Variants in AFF2 observed in about 807,000 individuals in gnomAD.
AFF2 encodes AF4/FMR2 family member 2.
Under a neutral mutation model 76.9 loss-of-function variants are expected in AFF2, and 14 were observed. The observed-to-expected ratio is 0.18, with a 90% confidence interval of 0.12 to 0.28. The LOEUF (loss-of-function observed/expected upper bound fraction) is 0.28, where lower values mean the gene tolerates loss of function less well. Ranked by LOEUF, AFF2 falls within the 10% of genes least tolerant of loss-of-function variation. The probability of loss-of-function intolerance (pLI) is 1.00; values close to 1 mark genes in which losing one functional copy is unlikely to be tolerated. For synonymous variants in AFF2, 398 were observed against 366.7 expected, an observed-to-expected ratio of 1.09 and a Z score of -0.98; for missense variants, 868 against 1,001.1, an observed-to-expected ratio of 0.87 and a Z score of 1.79.
chrX:148,913,853 C>T (rs782757848), intron 9 of AFF2, among the ~76,000 whole-genome samples: 3 of 111,882 alleles, frequency 2.7e-5, no homozygotes, highest in Admixed American at 9.5e-5. Flanking sequence ...TCAATATTGC[C>T]GTGTAGTGAT....
chrX:148,761,949 A>G (rs1557267301), intron 3 of AFF2, among the ~76,000 whole-genome samples: 2 of 104,463 alleles, frequency 1.9e-5, no homozygotes. Context: ...GTGTGTGTGT[A>G]TGTGTGTATA....
At chrX:148,615,748 T>C (rs2053791830) in intron 1 of AFF2, among the ~76,000 whole-genome samples, 1 of 111,548 alleles carries the variant, frequency 9.0e-6, no homozygotes, top group Non-Finnish European at 1.9e-5. Context: ...TTCTGCATTC[T>C]ATGTATGGGT....
intron 3 of AFF2, among the ~76,000 whole-genome samples, chrX:148,779,148 C>T (rs370803887): frequency 6.0e-4 from 67 of 111,708 alleles, no homozygotes; most frequent in Admixed American, 1.7e-3. Flanking sequence ...TGTAGTTGTG[C>T]GGTTTTCAGT....
Position 148,787,312 on chromosome X carries a change from C to CTG in AFF2, c.1042-22546_1042-22545dup, listed in dbSNP as rs370207937. 4.0e-3 allele frequency among the ~76,000 whole-genome samples: 433 copies of CTG among 108,116 alleles called. 1 individual carries two copies. The highest frequency in any genetic ancestry group is 8.2e-3 in the African/African-American group (244 of 29,844). The allele number at this position is 108,116 out of a possible 115,157, so 93.9% of individuals were successfully genotyped here. ...TTGTGAGGAACAATCAACATTGCGG[C>CTG]TGTGTGTGTGTGTGTGTGTATGTGT... is the stretch of plus-strand genomic sequence containing the variant. On this transcript the variant is annotated intron_variant, in intron 3 of 20. Coordinates refer to ENST00000370460, the MANE Select transcript of AFF2 (RefSeq NM_002025.4).
chrX:148,693,091 G>A (rs374715231), intron 3 of AFF2, among the ~76,000 whole-genome samples: 1 of 110,865 alleles, frequency 9.0e-6, no homozygotes, highest in African/African-American at 3.3e-5. Flanking sequence ...CTAATTTTTT[G>A]TATTTTTAGT....
At chrX:148,912,361 C>T (rs1434244118) in intron 9 of AFF2, among the ~76,000 whole-genome samples, 2 of 111,504 alleles carry the variant, frequency 1.8e-5, no homozygotes, top group Non-Finnish European at 3.8e-5. Flanking sequence ...TCAACTCCCA[C>T]TTATGAGTGA....
chrX:148,781,491 C>A (rs367613231), intron 3 of AFF2, among the ~76,000 whole-genome samples: 1 of 112,283 alleles, frequency 8.9e-6, no homozygotes, highest in Non-Finnish European at 1.9e-5. Context: ...GGGCTCTGCC[C>A]AGTCCAAACT....
chrX:148,612,350 C>A (rs1362970929), intron 1 of AFF2, among the ~76,000 whole-genome samples: 3 of 112,023 alleles, frequency 2.7e-5, no homozygotes, highest in African/African-American at 6.5e-5. Context: ...ACTTGTAAGG[C>A]ATAATCTTTG....
At chrX:148,610,004 G>T (rs1293761554) in intron 1 of AFF2, among the ~76,000 whole-genome samples, 1 of 111,586 alleles carries the variant, frequency 9.0e-6, no homozygotes, top group African/African-American at 3.3e-5. Context: ...GCACTTCCTG[G>T]TCTCCACTAC....
chrX:148,625,310 T>C lies in AFF2; in HGVS notation c.48-26689T>C, dbSNP rs150345789. 7.0e-3 allele frequency among the ~76,000 whole-genome samples: 777 copies of C among 111,514 alleles called. 2 individuals carry two copies. The highest frequency in any genetic ancestry group is 0.028 in the Middle Eastern group (6 of 217). On this transcript the variant is annotated intron_variant, in intron 1 of 20. Coordinates refer to ENST00000370460, the MANE Select transcript of AFF2 (RefSeq NM_002025.4). Reference sequence around the variant, plus strand: ...TGTGTCCCCTGCTGGCTTAGCATGCTGGCCTGTCCTGAGACTAACGTGACT... The same window carrying C: ...TGTGTCCCCTGCTGGCTTAGCATGCCGGCCTGTCCTGAGACTAACGTGACT...
At chrX:148,780,564 C>A in intron 3 of AFF2, among the ~76,000 whole-genome samples, 1 of 111,939 alleles carries the variant, frequency 8.9e-6, no homozygotes, top group East Asian at 2.8e-4. Context: ...GTGAATGCTT[C>A]ACAAAGTTCT....
chrX:148,948,811 C>A (rs1557286344), intron 9 of AFF2, among the ~76,000 whole-genome samples: 1 of 110,770 alleles, frequency 9.0e-6, no homozygotes, highest in East Asian at 2.9e-4. Context: ...GGACTCCATA[C>A]TAAAGATCAT....
intron 3 of AFF2, among the ~76,000 whole-genome samples, chrX:148,767,930 A>C (rs933801051): frequency 9.0e-6 from 1 of 110,520 alleles, no homozygotes; most frequent in African/African-American, 3.3e-5. Context: ...GGAAGGCATA[A>C]TTGTAACATG....
At chrX:148,648,022 G>A (rs187594706) in intron 1 of AFF2, among the ~76,000 whole-genome samples, 7 of 111,906 alleles carry the variant, frequency 6.3e-5, no homozygotes, top group African/African-American at 9.7e-5. Context: ...CAAAATGAGA[G>A]TTATCTACAT....
intron 9 of AFF2, among the ~76,000 whole-genome samples, chrX:148,951,450 A>G (rs1365532374): frequency 8.9e-6 from 1 of 111,780 alleles, no homozygotes; most frequent in Non-Finnish European, 1.9e-5. Flanking sequence ...CCAGCTTCGT[A>G]TTAAAAGAAA....
In AFF2 at chrX:148,806,650, A is replaced by G. The variant is rs782454882; in HGVS notation, c.1042-3226A>G. On this transcript the variant is annotated intron_variant, in intron 3 of 20. Coordinates refer to ENST00000370460, the MANE Select transcript of AFF2 (RefSeq NM_002025.4). Reference sequence around the variant, plus strand: ...TGAGCTCAATCAGGATTTGTTGTCTAAAGAAATAAATGGGAGAGCTGATGA... The same window carrying G: ...TGAGCTCAATCAGGATTTGTTGTCTGAAGAAATAAATGGGAGAGCTGATGA... Among the ~76,000 whole-genome samples the G allele has an allele frequency of 1.5e-3, 165 of 112,127 alleles. 1 individual carries two copies. The highest frequency in any genetic ancestry group is 5.0e-3 in the African/African-American group (155 of 30,842).
At chrX:148,795,872 T>TATACAC (rs58337451) in intron 3 of AFF2, among the ~76,000 whole-genome samples, 4 of 33,689 alleles carry the variant, frequency 1.2e-4, no homozygotes, top group Non-Finnish European at 1.8e-4. Flanking sequence ...TATATATATA[T>TATACAC]ACACACCTAA....
intron 2 of AFF2, among the ~76,000 whole-genome samples, chrX:148,656,214 T>C (rs1176799822): frequency 8.9e-6 from 1 of 112,027 alleles, no homozygotes; most frequent in Non-Finnish European, 1.9e-5. Context: ...CTTGGGCTGC[T>C]TTTGTAGCAT....
At chrX:148,807,354 C>T (rs1434190985) in intron 3 of AFF2, among the ~76,000 whole-genome samples, 1 of 111,793 alleles carries the variant, frequency 8.9e-6, no homozygotes, top group Non-Finnish European at 1.9e-5. Flanking sequence ...TTGGGCTTTG[C>T]GGATTACAAA....
Sources: gnomAD v4.1 joint callset for allele counts (sites outside exome capture counted in the v4.1 genomes callset) on GRCh38, gnomAD v4.1.1 for gene constraint, MANE v1.5 for transcripts, NCBI Gene and HGNC (gene_info 2026-07-23, HGNC 2026-07-21) for gene names.